Variants in MAP3K5 observed in about 807,000 individuals in gnomAD.
MAP3K5 encodes mitogen-activated protein kinase kinase kinase 5, also known as ASK-1.
In MAP3K5, 56 loss-of-function variants were observed where a neutral mutation model predicts 158.7. That is an observed-to-expected ratio of 0.35 (90% confidence interval 0.28 to 0.44). The LOEUF (loss-of-function observed/expected upper bound fraction) is 0.44, where lower values mean the gene tolerates loss of function less well. Ranked by LOEUF, MAP3K5 falls within the 20% of genes least tolerant of loss-of-function variation. The pLI, the probability that MAP3K5 is intolerant of heterozygous loss-of-function variation, is 1.00. For missense variants in MAP3K5, 1,294 were observed against 1,674.8 expected (o/e 0.77, Z 3.97); for synonymous variants, 579 against 601.7 (o/e 0.96, Z 0.55).
intron 1 of MAP3K5, among the ~76,000 whole-genome samples, chr6:136,772,884 G>T (rs564649622): frequency 1.3e-5 from 2 of 152,290 alleles, no homozygotes; most frequent in Non-Finnish European, 2.9e-5. Context: ...GGGGACAGAT[G>T]CATGGAAGAC....
At chr6:136,751,523 G>C (rs1783207857) in intron 1 of MAP3K5, among the ~76,000 whole-genome samples, 1 of 152,178 alleles carries the variant, frequency 6.6e-6, no homozygotes, top group African/African-American at 2.4e-5. Context: ...AAATGCCTCT[G>C]AATGCAGAAA....
chr6:136,748,979 G>C (rs1220443674), intron 1 of MAP3K5, among the ~76,000 whole-genome samples: 1 of 152,206 alleles, frequency 6.6e-6, no homozygotes, highest in Non-Finnish European at 1.5e-5. Context: ...TTTTAGTTAA[G>C]AAATAAAACT....
intron 1 of MAP3K5, among the ~76,000 whole-genome samples, chr6:136,763,585 C>T (rs1011013760): frequency 1.3e-5 from 2 of 152,114 alleles, no homozygotes; most frequent in African/African-American, 4.8e-5. Flanking sequence ...TATTCAGGTA[C>T]CTTCTATTTT....
At chr6:136,790,355 A>G (rs1785023643) in intron 1 of MAP3K5, among the ~76,000 whole-genome samples, 1 of 152,158 alleles carries the variant, frequency 6.6e-6, no homozygotes, top group Non-Finnish European at 1.5e-5. Flanking sequence ...TTCCTCTCAT[A>G]TCTTTTAGTT....
intron 1 of MAP3K5, among the ~76,000 whole-genome samples, chr6:136,765,193 G>A (rs189995609): frequency 6.6e-6 from 1 of 152,336 alleles, no homozygotes; most frequent in Admixed American, 6.5e-5. Flanking sequence ...AAACTCTGAA[G>A]TCCTTTTTCT....
chr6:136,601,190 A>G, intron 20 of MAP3K5, 148 bp from the exon 21 acceptor site: 1 of 657,842 alleles, frequency 1.5e-6, no homozygotes, highest in Non-Finnish European at 2.6e-6. Context: ...ATAAACATCA[A>G]AAAACGCCAA....
At chr6:136,710,124 C>A (rs1781247035) in intron 2 of MAP3K5, among the ~76,000 whole-genome samples, 1 of 152,022 alleles carries the variant, frequency 6.6e-6, no homozygotes, top group Non-Finnish European at 1.5e-5. Flanking sequence ...TTAACTCAAT[C>A]CAAATAAATA....
At chr6:136,634,225 C>G (rs1401258670) in intron 14 of MAP3K5, among the ~76,000 whole-genome samples, 1 of 152,116 alleles carries the variant, frequency 6.6e-6, no homozygotes, top group East Asian at 1.9e-4. Flanking sequence ...ATAAGTTATG[C>G]AAAAATGTAA....
chr6:136,673,486 C>T (rs1386048376), intron 7 of MAP3K5, among the ~76,000 whole-genome samples: 2 of 151,672 alleles, frequency 1.3e-5, no homozygotes, highest in African/African-American at 2.4e-5. Context: ...ATGACAAATA[C>T]GGTAAAGAAT....
intron 1 of MAP3K5, among the ~76,000 whole-genome samples, chr6:136,748,089 A>C (rs958127409): frequency 6.6e-6 from 1 of 152,214 alleles, no homozygotes; most frequent in African/African-American, 2.4e-5. Context: ...TCCTAAATAA[A>C]GCAGTATTCC....
intron 24 of MAP3K5, among the ~76,000 whole-genome samples, chr6:136,581,197 C>T (rs1020886988): frequency 6.6e-6 from 1 of 152,216 alleles, no homozygotes; most frequent in African/African-American, 2.4e-5. Flanking sequence ...GGTACCTTCA[C>T]ATAAGTGGAA....
At chr6:136,684,830 C>T (rs1780080676) in intron 7 of MAP3K5, among the ~76,000 whole-genome samples, 1 of 152,150 alleles carries the variant, frequency 6.6e-6, no homozygotes, top group Admixed American at 6.5e-5. Flanking sequence ...TGCATTATTT[C>T]AGCCATTCTC....
intron 1 of MAP3K5, among the ~76,000 whole-genome samples, chr6:136,777,635 T>C (rs959515620): frequency 6.6e-6 from 1 of 152,194 alleles, no homozygotes; most frequent in African/African-American, 2.4e-5. Flanking sequence ...TTATATAAAG[T>C]ATACATTCAT....
At chr6:136,790,487 C>T (rs1418164867) in intron 1 of MAP3K5, among the ~76,000 whole-genome samples, 4 of 152,180 alleles carry the variant, frequency 2.6e-5, no homozygotes, top group Non-Finnish European at 5.9e-5. Flanking sequence ...TAGCCATGCT[C>T]AGTTATGAAG....
At chr6:136,560,997 A>G (rs1167327657) in intron 28 of MAP3K5, among the ~76,000 whole-genome samples, 1 of 140,592 alleles carries the variant, frequency 7.1e-6, no homozygotes, top group East Asian at 2.3e-4. Flanking sequence ...TAAAATAAAA[A>G]TTAACATACA....
At position 136,656,458 on chromosome 6, in the gene MAP3K5, T is replaced by A. The variant is rs1423918504; in HGVS notation, c.1529A>T (p.Tyr510Phe). 2 of 1,562,130 alleles carry A rather than the reference T, an allele frequency of 1.3e-6. No homozygotes were observed. The highest frequency in any genetic ancestry group is 1.7e-6 in the Non-Finnish European group (2 of 1,155,140). ...AATTGTCTCTACAATAGACTTGAGG[T>A]ACCTGAGAAGGAAAAGATATAAAAC... ...KLFKLKTPAW[Y>F]LKSIVETILI... Residue 510 changes from tyrosine (Y) to phenylalanine (F), a missense_variant and splice_region_variant, in exon 10 of 30, where the codon TAC becomes TTC. By Grantham distance (22) the Tyr-to-Phe change is conservative (BLOSUM62 3). Coordinates refer to ENST00000359015, the MANE Select transcript of MAP3K5 (RefSeq NM_005923.4).
At chr6:136,707,384 G>A (rs1781122870) in intron 2 of MAP3K5, among the ~76,000 whole-genome samples, 1 of 152,252 alleles carries the variant, frequency 6.6e-6, no homozygotes, top group Admixed American at 6.5e-5. Context: ...TGGAACTCAA[G>A]CTGAGCTGTG....
At chr6:136,663,910 C>CTAAGAAGTGCTATATT (rs1779118278) in intron 8 of MAP3K5, among the ~76,000 whole-genome samples, 1 of 152,074 alleles carries the variant, frequency 6.6e-6, no homozygotes, top group South Asian at 2.1e-4. Flanking sequence ...CATGTCCGGC[C>CTAAGAAGTGCTATATT]TCAATCTCTT....
chr6:136,784,617 C>T (rs892328374), intron 1 of MAP3K5, among the ~76,000 whole-genome samples: 3 of 152,174 alleles, frequency 2.0e-5, no homozygotes, highest in East Asian at 3.9e-4. Flanking sequence ...TCGTTTCTCA[C>T]GTGAAGCAGT....
Sources: allele counts gnomAD v4.1 joint callset (sites outside exome capture counted in the v4.1 genomes callset), GRCh38; gene constraint gnomAD v4.1.1; transcripts MANE v1.5; gene names NCBI Gene and HGNC (gene_info 2026-07-23, HGNC 2026-07-21).